The following NFAT5 variants were observed in gnomAD, a reference collection of about 807,000 sequenced individuals.
The protein encoded by NFAT5 is nuclear factor of activated T-cells 5.
In NFAT5, 31 loss-of-function variants were observed where a neutral mutation model predicts 166.5. That is an observed-to-expected ratio of 0.19 (90% CI 0.14 to 0.25). The LOEUF (loss-of-function observed/expected upper bound fraction) is 0.25, where lower values mean the gene tolerates loss of function less well. Among genes scored for constraint, NFAT5 ranks in the 10% least tolerant of loss-of-function variants. NFAT5 has a pLI of 1.00. For missense variants in NFAT5, 1,449 were observed against 1,821.8 expected (o/e 0.80, Z 3.72); for synonymous variants, 612 against 639.7 (o/e 0.96, Z 0.65).
intron 10 of NFAT5, among the ~76,000 whole-genome samples, chr16:69,681,053 G>A (rs2037040253): frequency 6.6e-6 from 1 of 152,012 alleles, no homozygotes; most frequent in South Asian, 2.1e-4. Context: ...AGCCACAGTT[G>A]TACTTTTTTG....
Position 69,697,461 on chromosome 16 carries a change from A to T in NFAT5, c.*1110A>T, listed in dbSNP as rs1019891985. On this transcript the variant is annotated 3_prime_UTR_variant, in exon 15 of 15. Transcript: ENST00000349945. ...ATAGGAAACAGTATAAATTTTAATTAAAAAAAAAAGGCAAACTAAAATTTC... is the reference window on the plus strand; with the variant it reads ...ATAGGAAACAGTATAAATTTTAATTTAAAAAAAAAGGCAAACTAAAATTTC... 11 of 148,294 alleles carry T rather than the reference A, an allele frequency of 7.4e-5. No individual in the cohort carries two copies. The highest frequency in any genetic ancestry group is 1.5e-4 in the Non-Finnish European group (10 of 66,628). The allele number at this position is 148,294 out of a possible 1,614,324, so 9.2% of individuals were successfully genotyped here.
chr16:69,566,393 GGTGGGGC>G lies in NFAT5; in HGVS notation c.73+26_73+32del. On this transcript the variant is annotated intron_variant, in intron 1 of 14. Coordinates refer to ENST00000349945, the MANE Select transcript of NFAT5 (RefSeq NM_138713.4). This position sits in a 1 kb window ranked among gnomAD's most constrained non-coding sequence, Gnocchi z 5.7. ...TCGCGAGGTGAGTCAGGCTGTGGGG[GGTGGGGC>G]GTGGGGGCGGGGAGACAGGGAGACA... 1 of 1,548,970 alleles carries G rather than the reference GGTGGGGC, an allele frequency of 6.5e-7. No homozygotes were observed. The highest frequency in any genetic ancestry group is 8.8e-7 in the Non-Finnish European group (1 of 1,135,324).
At chr16:69,635,642 G>A (rs1191560291) in intron 3 of NFAT5, among the ~76,000 whole-genome samples, 1 of 152,144 alleles carries the variant, frequency 6.6e-6, no homozygotes, top group Non-Finnish European at 1.5e-5. Flanking sequence ...GAGGCAAAAG[G>A]CACTTCTTAC....
intron 6 of NFAT5, among the ~76,000 whole-genome samples, chr16:69,659,440 C>CAA (rs140974727): frequency 1.3e-5 from 2 of 148,810 alleles, no homozygotes; most frequent in African/African-American, 4.9e-5. Flanking sequence ...GACTCCATCT[C>CAA]AAAAAAAAAG....
chr16:69,698,780 G>T lies in NFAT5; in HGVS notation c.*2429G>T, dbSNP rs1337014534. On this transcript the variant is annotated 3_prime_UTR_variant, in exon 15 of 15. Transcript: ENST00000349945. ...TTGTTGTTATTGTTATTATTAATTG[G>T]CTTTCTGTATTCTATGCCTTTTATT... is the stretch of plus-strand genomic sequence containing the variant. The T allele has an allele frequency of 6.6e-6, 1 of 152,430 alleles. No homozygotes were observed. Among genetic ancestry groups the T allele is most frequent in the Non-Finnish European group, 1.5e-5 (1 of 67,984 alleles). The allele number at this position is 152,430 out of a possible 1,614,324, so 9.4% of individuals were successfully genotyped here. A position where few individuals can be genotyped will look rare whatever the true frequency, so the allele number is the denominator to read the frequency against.
intron 3 of NFAT5, chr16:69,645,004 A>C (rs976242297): frequency 8.6e-6 from 2 of 233,746 alleles, no homozygotes; most frequent in Non-Finnish European, 1.7e-5. Flanking sequence ...TAAGTACACA[A>C]AAAATTAGTT....
At chr16:69,610,178 A>G (rs1327292958) in intron 2 of NFAT5, among the ~76,000 whole-genome samples, 2 of 152,220 alleles carry the variant, frequency 1.3e-5, no homozygotes, top group Non-Finnish European at 2.9e-5. Flanking sequence ...TTTGTTAATC[A>G]GAAAATTGGT....
chr16:69,624,857 T>G (rs1482832467), intron 2 of NFAT5, among the ~76,000 whole-genome samples: 1 of 152,058 alleles, frequency 6.6e-6, no homozygotes, highest in Non-Finnish European at 1.5e-5. Context: ...GCCTCAGTTA[T>G]TTTGAAAATA....
intron 3 of NFAT5, chr16:69,632,489 C>G (rs561930108): frequency 6.6e-6 from 1 of 152,272 alleles, no homozygotes; most frequent in Admixed American, 6.5e-5. Context: ...AGCCATACCT[C>G]TTCTCTACAA....
chr16:69,703,842 C>T lies in NFAT5; in HGVS notation c.*7491C>T, dbSNP rs1002617689. 3 of 152,596 alleles carry T rather than the reference C, an allele frequency of 2.0e-5. No individual in the cohort carries two copies. The highest frequency in any genetic ancestry group is 4.4e-5 in the Non-Finnish European group (3 of 68,056). 9.5% of individuals were successfully genotyped at this position (152,596 alleles called of 1,614,324 possible). On this transcript the variant is annotated 3_prime_UTR_variant, in exon 15 of 15. Coordinates refer to ENST00000349945, the MANE Select transcript of NFAT5 (RefSeq NM_138713.4). ...TATTTGACTCCCACTTGTAATAACTCCTTTAAAAAATTCCATGTTTAACCA... is the reference window on the plus strand; with the variant it reads ...TATTTGACTCCCACTTGTAATAACTTCTTTAAAAAATTCCATGTTTAACCA...
At chr16:69,650,096 T>C (rs1481600038) in intron 4 of NFAT5, among the ~76,000 whole-genome samples, 1 of 152,088 alleles carries the variant, frequency 6.6e-6, no homozygotes, top group Non-Finnish European at 1.5e-5. Flanking sequence ...GGATGTCATC[T>C]GGATGTGAAA....
Position 69,693,166 on chromosome 16 carries a change from C to T in NFAT5, c.3341C>T (p.Pro1114Leu), listed in dbSNP as rs1011632849. The T allele has an allele frequency of 4.3e-6, 7 of 1,613,944 alleles. No individual in the cohort carries two copies. In the African/African-American group the frequency reaches 9.3e-5, roughly 22 times the overall value. Residue 1114 changes from proline (P) to leucine (L), a missense_variant, in exon 13 of 15, where the codon CCA becomes CTA. Coordinates refer to ENST00000349945, the MANE Select transcript of NFAT5 (RefSeq NM_138713.4). ...QETQGSLFHS[P>L]NPIVHSQTST... ...ACTCAAGGTTCTCTCTTTCATAGTC[C>T]AAATCCTATTGTCCACAGTCAGACT...
chr16:69,647,631 C>A lies in NFAT5; in HGVS notation c.812+45C>A, dbSNP rs1281866244. The A allele has an allele frequency of 4.8e-6, 7 of 1,467,988 alleles. No individual in the cohort carries two copies. The East Asian group carries it at 6.9e-5, about 14-fold the overall frequency. 90.9% of individuals were successfully genotyped at this position (1,467,988 alleles called of 1,614,324 possible). A position where few individuals can be genotyped will look rare whatever the true frequency, so the allele number is the denominator to read the frequency against. Reference sequence around the variant, plus strand: ...AAAATTCTATCATCATTATGCAAAACAAACAAACAAAAAAAATTCCCAATT... The same window carrying A: ...AAAATTCTATCATCATTATGCAAAAAAAACAAACAAAAAAAATTCCCAATT... On this transcript the variant is annotated intron_variant, in intron 4 of 14. Coordinates refer to ENST00000349945, the MANE Select transcript of NFAT5 (RefSeq NM_138713.4). The surrounding 1 kb of genome is among the most constrained non-coding windows in gnomAD (Gnocchi z 4.8).
rs1037382239 is a variant in NFAT5 at position 69,661,539 on chromosome 16, T to TAAAAAAAAAAAAAA, written c.1369+1655_1369+1668dup. Among the ~76,000 whole-genome samples the TAAAAAAAAAAAAAA allele has an allele frequency of 1.8e-3, 67 of 37,928 alleles. 2 individuals are homozygous for TAAAAAAAAAAAAAA. The highest frequency in any genetic ancestry group is 5.9e-3 in the African/African-American group (48 of 8,146). The allele number at this position is 37,928 out of a possible 152,430, so 24.9% of individuals were successfully genotyped here. On this transcript the variant is annotated intron_variant, in intron 7 of 14. Transcript: ENST00000349945. ...AGCCTGTATAAGAGACCCAGTCTCT[T>TAAAAAAAAAAAAAA]AAAAAAAAAAAAAAAAAAAAAAAAA... is the stretch of plus-strand genomic sequence containing the variant.
At chr16:69,661,329 T>C (rs1054292715) in intron 7 of NFAT5, among the ~76,000 whole-genome samples, 2 of 148,070 alleles carry the variant, frequency 1.4e-5, no homozygotes, top group East Asian at 3.9e-4. Context: ...CAGAAACTTA[T>C]AATGGAAGTG....
intron 2 of NFAT5, among the ~76,000 whole-genome samples, chr16:69,587,942 T>G (rs1446737738): frequency 6.8e-6 from 1 of 146,118 alleles, no homozygotes; most frequent in African/African-American, 2.6e-5. Context: ...TTATAGTGCT[T>G]TCTTTTTTTT....
intron 2 of NFAT5, among the ~76,000 whole-genome samples, chr16:69,599,296 G>A (rs1384623066): frequency 1.3e-5 from 2 of 152,154 alleles, no homozygotes; most frequent in Non-Finnish European, 2.9e-5. Flanking sequence ...TTGGGAGTTG[G>A]CCAGGCTCAG....
chr16:69,637,777 T>C (rs1289404399), intron 3 of NFAT5, among the ~76,000 whole-genome samples: 1 of 152,168 alleles, frequency 6.6e-6, no homozygotes. Context: ...TCAGAACCTT[T>C]GTATATAAAA....
intron 9 of NFAT5, among the ~76,000 whole-genome samples, chr16:69,675,789 G>C (rs2036809137): frequency 1.3e-5 from 2 of 152,080 alleles, no homozygotes; most frequent in Non-Finnish European, 2.9e-5. Context: ...ACAGGCATGT[G>C]CCACCAGGGC....
Sources: gnomAD v4.1 joint callset for allele counts (sites outside exome capture counted in the v4.1 genomes callset) on GRCh38, gnomAD v4.1.1 for gene constraint, Gnocchi (gnomAD v3.1) non-coding constraint, MANE v1.5 for transcripts, NCBI Gene and HGNC (gene_info 2026-07-23, HGNC 2026-07-21) for gene names.